RELN: variants seen among roughly 807,000 people sequenced by gnomAD.
RELN encodes the protein reelin.
Under a neutral mutation model 427.6 loss-of-function variants are expected in RELN, and 108 were observed. The observed-to-expected ratio is 0.25, with a 90% CI of 0.22 to 0.30. The LOEUF is 0.30. Ranked by LOEUF, RELN falls within the 10% of genes least tolerant of loss-of-function variation. RELN has a pLI of 1.00. For synonymous variants in RELN, 1,524 were observed against 1,513.4 expected (o/e 1.01, Z -0.16); for missense variants, 3,715 against 4,302.8 (o/e 0.86, Z 3.82).
In RELN at chr7:103,693,443, C is replaced by T. The variant is rs572687332; in HGVS notation, c.1143+4410G>A. ...CGGGTTGATAGGTACAGCAAACCACCATGGCACATGTATACTTATGTAACA... is the reference window on the plus strand; with the variant it reads ...CGGGTTGATAGGTACAGCAAACCACTATGGCACATGTATACTTATGTAACA... On this transcript the variant is annotated intron_variant, in intron 10 of 64. Transcript: ENST00000428762. 1.9e-4 allele frequency among the ~76,000 whole-genome samples: 29 copies of T among 151,824 alleles called. No individual in the cohort carries two copies. The South Asian group carries it at 5.6e-3, about 29-fold the overall frequency.
At chr7:103,900,310 T>C (rs1434009047) in intron 2 of RELN, among the ~76,000 whole-genome samples, 1 of 151,940 alleles carries the variant, frequency 6.6e-6, no homozygotes, top group East Asian at 1.9e-4. Context: ...CACAAACAAA[T>C]GGAATAACAC....
chr7:103,845,126 A>G (rs921463520), intron 2 of RELN, among the ~76,000 whole-genome samples: 1 of 148,386 alleles, frequency 6.7e-6, no homozygotes, highest in Non-Finnish European at 1.5e-5. Flanking sequence ...CTCCAGGTAG[A>G]ACCGTTTTAT....
Position 103,635,586 on chromosome 7 carries a change from C to A in RELN, c.2304G>T (p.Arg768Ser). The change falls in exon 19 of 65, where the codon AGG (arginine) becomes AGT (serine). Residue 768 changes from arginine to serine, a missense_variant and splice_region_variant. Physicochemically the swap from Arg to Ser is moderately radical, Grantham distance 110. Around this residue, in one of 4 missense-constraint regions of RELN, gnomAD observed 2,208 missense variants for 2,361.7 expected, o/e 0.93. Transcript: ENST00000428762. Reference protein sequence around the residue: ...ITSFLDSSQSRFLQFTLRLGS... With the variant: ...ITSFLDSSQSSFLQFTLRLGS... ...CCAGTCTCAGTGTGAACTGGAGAAA[C>A]CTAGACAGAAATTGTCTATAATTAG... 6.2e-7 allele frequency: 1 copy of A among 1,613,126 alleles called. No homozygotes were observed. The highest frequency in any genetic ancestry group is 8.5e-7 in the Non-Finnish European group (1 of 1,179,230).
chr7:103,545,017 A>G (rs1314549179), intron 42 of RELN, 107 bp downstream of exon 42: 3 of 818,220 alleles, frequency 3.7e-6, no homozygotes, highest in Non-Finnish European at 6.2e-6. Context: ...AATTGAAATA[A>G]TAATGAGATA....
rs75354005 is a variant in RELN, at chr7:103,659,471, T to C, written c.1441+1905A>G. Among the ~76,000 whole-genome samples, 700 of 152,230 alleles carry C rather than the reference T, an allele frequency of 4.6e-3. 9 individuals carry two copies. The highest frequency in any genetic ancestry group is 0.016 in the African/African-American group (668 of 41,558). On this transcript the variant is annotated intron_variant, in intron 12 of 64. Coordinates refer to ENST00000428762, the MANE Select transcript of RELN (RefSeq NM_005045.4). ...CTTCCACTTATCTATATTGGGAAAA[T>C]CACCCAGCCCCAAACATATGACATA... is the stretch of plus-strand genomic sequence containing the variant.
At chr7:103,914,875 C>T (rs1354182523) in intron 2 of RELN, among the ~76,000 whole-genome samples, 1 of 152,158 alleles carries the variant, frequency 6.6e-6, no homozygotes, top group African/African-American at 2.4e-5. Flanking sequence ...ACAGAACAAT[C>T]TTTCTGAACC....
chr7:103,683,337 A>G (rs1833693846), intron 10 of RELN, among the ~76,000 whole-genome samples: 1 of 151,564 alleles, frequency 6.6e-6, no homozygotes, highest in African/African-American at 2.4e-5. Flanking sequence ...AAATAGTTCA[A>G]CAAATGAATG....
At chr7:103,902,373 C>A (rs1346936159) in intron 2 of RELN, among the ~76,000 whole-genome samples, 1 of 151,994 alleles carries the variant, frequency 6.6e-6, no homozygotes, top group African/African-American at 2.4e-5. Flanking sequence ...AAACATCTTT[C>A]CAGAATATGA....
At chr7:103,656,861 T>C (rs1833033403) in intron 12 of RELN, among the ~76,000 whole-genome samples, 1 of 152,082 alleles carries the variant, frequency 6.6e-6, no homozygotes, top group Non-Finnish European at 1.5e-5. Context: ...TTATCTCTTT[T>C]CGTCCCTTAA....
intron 1 of RELN, among the ~76,000 whole-genome samples, chr7:103,926,888 C>T (rs1253303198): frequency 9.5e-6 from 1 of 104,736 alleles, no homozygotes; most frequent in African/African-American, 4.6e-5. Flanking sequence ...CCTCGTGATC[C>T]ACCCCCTTGG....
intron 3 of RELN, among the ~76,000 whole-genome samples, chr7:103,784,753 T>A (rs938733810): frequency 6.6e-6 from 1 of 152,200 alleles, no homozygotes; most frequent in African/African-American, 2.4e-5. Context: ...TGTTGGCATA[T>A]GATATAAACT....
At chr7:103,702,823 C>T (rs1455183658) in intron 8 of RELN, among the ~76,000 whole-genome samples, 1 of 152,232 alleles carries the variant, frequency 6.6e-6, no homozygotes, top group Non-Finnish European at 1.5e-5. Context: ...CCGGTTCTCA[C>T]CCAGCTAGTG....
At chr7:103,518,327 CTTTTTTTTTT>C (rs767194919) in intron 49 of RELN, among the ~76,000 whole-genome samples, 1 of 106,498 alleles carries the variant, frequency 9.4e-6, no homozygotes, top group African/African-American at 4.1e-5. Context: ...TCTACGTTTC[CTTTTTTTTTT>C]TTTTTTTTTT....
intron 1 of RELN, among the ~76,000 whole-genome samples, chr7:103,955,768 G>A (rs1351741372): frequency 1.3e-5 from 2 of 152,182 alleles, no homozygotes; most frequent in Admixed American, 1.3e-4. Context: ...CAGCAAGTCT[G>A]ATGGGCAGAG....
At chr7:103,507,953 C>G (rs891999108) in intron 51 of RELN, among the ~76,000 whole-genome samples, 7 of 151,982 alleles carry the variant, frequency 4.6e-5, no homozygotes, top group South Asian at 2.1e-4. Flanking sequence ...ATAAATTCCT[C>G]GACACATACA....
chr7:103,480,497 G>C (rs149239867), intron 63 of RELN, among the ~76,000 whole-genome samples: 14 of 152,270 alleles, frequency 9.2e-5, no homozygotes, highest in African/African-American at 3.4e-4. Flanking sequence ...TACTTTGAAA[G>C]GGTAGAGTGG....
chr7:103,501,048 G>T, intron 52 of RELN, 126 bp from the exon 53 acceptor site: 2 of 848,158 alleles, frequency 2.4e-6, no homozygotes, highest in Non-Finnish European at 3.9e-6. Flanking sequence ...GATGAAATAG[G>T]TTAATAAAAA....
At chr7:103,697,626 C>T (rs537781801) in intron 10 of RELN, among the ~76,000 whole-genome samples, 2 of 152,262 alleles carry the variant, frequency 1.3e-5, no homozygotes, top group South Asian at 2.1e-4. Context: ...CAGTACACAG[C>T]ACAGTGAGTT....
intron 1 of RELN, among the ~76,000 whole-genome samples, chr7:103,926,129 T>G (rs900269106): frequency 6.5e-4 from 73 of 112,356 alleles, no homozygotes; most frequent in African/African-American, 2.5e-3. Context: ...TGAGATGGAG[T>G]CTCACTCTGT....
Sources: allele counts gnomAD v4.1 joint callset (sites outside exome capture counted in the v4.1 genomes callset), GRCh38; gene constraint gnomAD v4.1.1; regional missense constraint gnomAD v4.1.1; transcripts MANE v1.5; gene names NCBI Gene and HGNC (gene_info 2026-07-23, HGNC 2026-07-21).